MBD5: variants seen among roughly 807,000 people sequenced by gnomAD.
The protein encoded by MBD5 is methyl-CpG-binding domain protein 5.
MBD5 carries 13 observed loss-of-function variants against 117.3 expected under a neutral mutation model. The ratio of observed to expected loss-of-function variants is 0.11; its 90% CI spans 0.07 to 0.18. MBD5 has a LOEUF of 0.18. MBD5 is among the 10% of genes least tolerant of loss of function. The pLI is 1.00. For missense variants in MBD5, 1,879 were observed against 2,093.8 expected (o/e 0.90, Z 2.00); for synonymous variants, 727 against 766.4 (o/e 0.95, Z 0.85).
intron 2 of MBD5, among the ~76,000 whole-genome samples, chr2:148,208,024 A>G (rs1162372294): frequency 6.6e-6 from 1 of 152,182 alleles, no homozygotes; most frequent in Non-Finnish European, 1.5e-5. Flanking sequence ...CACTGGACCC[A>G]AATCCAGTGG....
chr2:148,328,174 C>T (rs1008403289), intron 3 of MBD5, among the ~76,000 whole-genome samples: 1 of 152,230 alleles, frequency 6.6e-6, no homozygotes, highest in African/African-American at 2.4e-5. Context: ...GTCAGGGACC[C>T]ACTTGAGGAG....
chr2:148,482,883 T>A (rs1386989317), intron 8 of MBD5, among the ~76,000 whole-genome samples: 1 of 152,124 alleles, frequency 6.6e-6, no homozygotes, highest in Non-Finnish European at 1.5e-5. Flanking sequence ...CACCAGCTAT[T>A]TCTCAATAAA....
intron 11 of MBD5, among the ~76,000 whole-genome samples, chr2:148,497,541 T>C (rs1166520040): frequency 6.6e-6 from 1 of 151,950 alleles, no homozygotes; most frequent in East Asian, 1.9e-4. Context: ...TTGTTAAAAA[T>C]TAGCGAGCAT....
intron 4 of MBD5, among the ~76,000 whole-genome samples, chr2:148,367,573 A>G (rs969782657): frequency 5.3e-5 from 8 of 152,216 alleles, no homozygotes; most frequent in Non-Finnish European, 8.8e-5. Flanking sequence ...TTTGCAATCT[A>G]TCTATCTGAC....
chr2:148,496,460 G>C (rs1483721557), intron 11 of MBD5, among the ~76,000 whole-genome samples: 1 of 152,158 alleles, frequency 6.6e-6, no homozygotes, highest in East Asian at 1.9e-4. Flanking sequence ...GATTAAAGAG[G>C]ACTAGGAGGC....
chr2:148,159,686 G>A (rs1697960356), intron 1 of MBD5, among the ~76,000 whole-genome samples: 1 of 152,064 alleles, frequency 6.6e-6, no homozygotes, highest in African/African-American at 2.4e-5. Flanking sequence ...TGTTTCTCAG[G>A]TCTGAATTGG....
At chr2:148,443,794 C>CA (rs1706405948) in intron 4 of MBD5, among the ~76,000 whole-genome samples, 1 of 150,834 alleles carries the variant, frequency 6.6e-6, no homozygotes, top group African/African-American at 2.5e-5. Flanking sequence ...CTAATGAGTA[C>CA]AAAAAATAGA....
At chr2:148,086,231 C>G (rs1452967640) in intron 1 of MBD5, among the ~76,000 whole-genome samples, 3 of 151,492 alleles carry the variant, frequency 2.0e-5, no homozygotes, top group Non-Finnish European at 1.5e-5. Flanking sequence ...ACTTTACTGG[C>G]CCTGAGGATT....
In MBD5 at chr2:148,490,143, G is replaced by T. The variant is rs759137833; in HGVS notation, c.4511G>T (p.Arg1504Ile). 6.2e-7 allele frequency: 1 copy of T among 1,613,882 alleles called. No homozygotes were observed. Among genetic ancestry groups the T allele is most frequent in the South Asian group, 1.1e-5 (1 of 91,036 alleles). ...EENFRYNNYK[R>I]TMMSFKERLE... ...AATTTCAGGTATAATAACTACAAAA[G>T]AACTATGATGAGTTTTAAGGAGAGA... The change falls in exon 11 of 14, where the codon AGA (arginine) becomes ATA (isoleucine). Residue 1504 changes from arginine to isoleucine, a missense_variant. This residue lies in a region of MBD5 where 1,666 missense variants were observed against 1,792.2 expected (regional missense o/e 0.93). Transcript: ENST00000642680.
intron 2 of MBD5, among the ~76,000 whole-genome samples, chr2:148,211,728 A>G (rs1274814894): frequency 2.0e-5 from 3 of 152,124 alleles, no homozygotes; most frequent in African/African-American, 7.2e-5. Context: ...TAAAATGTGC[A>G]TGTTCACGAG....
intron 2 of MBD5, among the ~76,000 whole-genome samples, chr2:148,203,047 C>T (rs1463197065): frequency 2.7e-5 from 4 of 148,640 alleles, no homozygotes; most frequent in Non-Finnish European, 4.4e-5. Context: ...GGAGGTTGCA[C>T]TGAGCCAAGA....
chr2:148,314,486 TC>T (rs776753096), intron 3 of MBD5, among the ~76,000 whole-genome samples: 1 of 150,846 alleles, frequency 6.6e-6, no homozygotes, highest in Non-Finnish European at 1.5e-5. Context: ...TAAGGGATTC[TC>T]CTATCTCAGC....
intron 1 of MBD5, among the ~76,000 whole-genome samples, chr2:148,128,992 G>A (rs11890873): frequency 0.012 from 1,876 of 152,292 alleles, 45 homozygotes; most frequent in African/African-American, 0.043. Context: ...ATCGCTAAGA[G>A]TTGAAGCTTT....
chr2:148,457,306 A>G (rs1420097254), intron 4 of MBD5, among the ~76,000 whole-genome samples: 2 of 152,136 alleles, frequency 1.3e-5, no homozygotes. Flanking sequence ...TTTTTTACGC[A>G]TTCTTTAGTG....
intron 1 of MBD5, among the ~76,000 whole-genome samples, chr2:148,145,503 G>A (rs1255114983): frequency 7.9e-5 from 12 of 152,158 alleles, no homozygotes; most frequent in Admixed American, 7.9e-4. Flanking sequence ...GGAGTGGTGA[G>A]AGAGGGCATC....
At chr2:148,396,820 G>A (rs983394183) in intron 4 of MBD5, among the ~76,000 whole-genome samples, 3 of 152,186 alleles carry the variant, frequency 2.0e-5, no homozygotes, top group Admixed American at 2.0e-4. Flanking sequence ...CACCCAGGAA[G>A]TGCCCTTTTC....
At chr2:148,095,858 C>T (rs1362484632) in intron 1 of MBD5, among the ~76,000 whole-genome samples, 1 of 151,354 alleles carries the variant, frequency 6.6e-6, no homozygotes, top group Non-Finnish European at 1.5e-5. Context: ...TATAAAGCCA[C>T]CTTAAACCAT....
chr2:148,183,240 A>G (rs1698571345), intron 2 of MBD5, among the ~76,000 whole-genome samples: 1 of 152,080 alleles, frequency 6.6e-6, no homozygotes, highest in Non-Finnish European at 1.5e-5. Context: ...TATAGTATGT[A>G]TCTGATTGTA....
chr2:148,196,115 C>T (rs1698981500), intron 2 of MBD5: 1 of 152,076 alleles, frequency 6.6e-6, no homozygotes, highest in East Asian at 1.9e-4. Context: ...TCTTACATGA[C>T]GATTTCCTTT....
Sources: allele counts gnomAD v4.1 joint callset (sites outside exome capture counted in the v4.1 genomes callset), GRCh38; gene constraint gnomAD v4.1.1; regional missense constraint gnomAD v4.1.1; transcripts MANE v1.5; gene names NCBI Gene and HGNC (gene_info 2026-07-23, HGNC 2026-07-21).